PLEKHH2: variants seen among roughly 807,000 people sequenced by gnomAD.
The protein encoded by PLEKHH2 is pleckstrin homology domain-containing family H member 2.
In PLEKHH2, 129 loss-of-function variants were observed where a neutral mutation model predicts 187.9. The ratio of observed to expected loss-of-function variants is 0.69; its 90% CI spans 0.59 to 0.79. PLEKHH2 has a LOEUF of 0.79. Ranked by LOEUF, PLEKHH2 falls within the 30% of genes least tolerant of loss-of-function variation. The pLI is 0.00. For synonymous variants in PLEKHH2, 686 were observed against 605.6 expected (o/e 1.13, Z -1.95); for missense variants, 2,076 against 1,751.2 (o/e 1.19, Z -3.31).
chr2:43,765,607 G>C lies in PLEKHH2; in HGVS notation c.*9G>C. ...GCCCCACCTTACTCTGAAAGCTGGG[G>C]AGCCTGAACATTCACTCCTTGTCCT... On this transcript the variant is annotated 3_prime_UTR_variant, in exon 30 of 30. Coordinates refer to ENST00000282406, the MANE Select transcript of PLEKHH2 (RefSeq NM_172069.4). 6.2e-7 allele frequency: 1 copy of C among 1,611,490 alleles called. No individual in the cohort carries two copies. The highest frequency in any genetic ancestry group is 8.5e-7 in the Non-Finnish European group (1 of 1,179,038).
At chr2:43,758,801 C>A (rs7570252) in intron 26 of PLEKHH2, 99 bp from the exon 27 acceptor site, 298,377 of 1,045,776 alleles carry the variant, frequency 0.29, 44,733 homozygotes, top group South Asian at 0.43. Flanking sequence ...CACAGTTATG[C>A]TTAGGATTGG....
rs1390646017 is a variant in PLEKHH2 at position 43,644,698 on chromosome 2, G to A, written c.25G>A (p.Gly9Arg). ...TATGGCAGAGCTTTCTGAGCCAGAG[G>A]GACCAGTAGATTGGAAGGAACGATG... MAELSEPEGPVDWKERCVA... is the reference protein window; with the variant it reads MAELSEPERPVDWKERCVA... Residue 9 changes from glycine (G) to arginine (R), a missense_variant, in exon 2 of 30, where the codon GGA (glycine) becomes AGA (arginine). Transcript: ENST00000282406. 1.2e-6 allele frequency: 2 copies of A among 1,602,862 alleles called. No homozygotes were observed. The highest frequency in any genetic ancestry group is 1.7e-6 in the Non-Finnish European group (2 of 1,173,328).
At chr2:43,639,939 G>A (rs1479108456) in intron 1 of PLEKHH2, among the ~76,000 whole-genome samples, 1 of 152,092 alleles carries the variant, frequency 6.6e-6, no homozygotes, top group African/African-American at 2.4e-5. Flanking sequence ...TTACAGGAGT[G>A]AGCCACTGCA....
intron 24 of PLEKHH2, among the ~76,000 whole-genome samples, chr2:43,751,925 T>A (rs575894528): frequency 2.0e-5 from 3 of 148,170 alleles, no homozygotes; most frequent in Non-Finnish European, 4.4e-5. Flanking sequence ...TCTCTCTCTC[T>A]CTTTTTTTTT....
intron 2 of PLEKHH2, among the ~76,000 whole-genome samples, chr2:43,669,697 G>GA (rs1324575261): frequency 2.0e-5 from 3 of 151,060 alleles, no homozygotes; most frequent in African/African-American, 7.3e-5. Flanking sequence ...AAATGAAGGT[G>GA]AAAAGGAAGA....
At chr2:43,728,343 G>A (rs1227543758) in intron 17 of PLEKHH2, among the ~76,000 whole-genome samples, 1 of 151,582 alleles carries the variant, frequency 6.6e-6, no homozygotes, top group African/African-American at 2.4e-5. Flanking sequence ...GCTGGACGTG[G>A]TGACAGGTTC....
At chr2:43,738,609 G>A in intron 20 of PLEKHH2, 89 bp downstream of exon 20, 5 of 1,283,578 alleles carry the variant, frequency 3.9e-6, no homozygotes, top group East Asian at 4.8e-5. Flanking sequence ...ATAGACATTT[G>A]GAGAATACAA....
intron 4 of PLEKHH2, among the ~76,000 whole-genome samples, chr2:43,693,831 G>T (rs2104468423): frequency 6.6e-6 from 1 of 151,084 alleles, no homozygotes; most frequent in South Asian, 2.1e-4. Flanking sequence ...TTTGTTAAAT[G>T]TGTTGTTTAT....
chr2:43,739,480 G>A (rs954490340), intron 20 of PLEKHH2, among the ~76,000 whole-genome samples: 2 of 152,218 alleles, frequency 1.3e-5, no homozygotes, highest in Non-Finnish European at 2.9e-5. Context: ...ATATAGGACT[G>A]TCGGGGTTGG....
chr2:43,740,880 A>G (rs1250584031), intron 20 of PLEKHH2, 66 bp from the exon 21 acceptor site: 23 of 1,583,756 alleles, frequency 1.5e-5, no homozygotes, highest in African/African-American at 2.7e-5. Flanking sequence ...AGCCCATTGC[A>G]CTCACTCAGA....
intron 19 of PLEKHH2, among the ~76,000 whole-genome samples, 175 bp from the exon 20 acceptor site, chr2:43,738,163 TCTG>T (rs1291271909): frequency 1.3e-5 from 2 of 152,224 alleles, no homozygotes; most frequent in East Asian, 3.8e-4. Flanking sequence ...TGCTCTGAAA[TCTG>T]CTTTGTCTGC....
At chr2:43,709,661 C>A (rs1669846242) in intron 11 of PLEKHH2, among the ~76,000 whole-genome samples, 1 of 152,140 alleles carries the variant, frequency 6.6e-6, no homozygotes, top group South Asian at 2.1e-4. Context: ...CATGATGAAA[C>A]CCCATCTCTA....
intron 19 of PLEKHH2, among the ~76,000 whole-genome samples, chr2:43,737,879 T>C (rs950360247): frequency 4.0e-5 from 6 of 151,116 alleles, no homozygotes; most frequent in Admixed American, 6.6e-5. Context: ...GGAGGACCAC[T>C]TTGGAGATTG....
Position 43,675,440 on chromosome 2 carries a change from C to T in PLEKHH2, c.124-3423C>T, listed in dbSNP as rs968810167. On this transcript the variant is annotated intron_variant, in intron 2 of 29. Transcript: ENST00000282406. ...GTGTCATTGAAATAGTGTCCAAATG[C>T]CCTGAGCCGGTACAGGCCATACATC... is the stretch of plus-strand genomic sequence containing the variant. 9 of 1,611,550 alleles carry T rather than the reference C, an allele frequency of 5.6e-6. No individual in the cohort carries two copies. The African/African-American group carries it at 9.4e-5, about 17-fold the overall frequency.
chr2:43,720,440 G>A (rs963173702), intron 15 of PLEKHH2, among the ~76,000 whole-genome samples: 30 of 152,014 alleles, frequency 2.0e-4, no homozygotes, highest in African/African-American at 6.5e-4. Context: ...CAGCCACCCC[G>A]GTGCCCTCTA....
rs149698580 is a variant in PLEKHH2, at chr2:43,703,690, T to C, written c.1651-291T>C. ...GGTGTTTATGTGTAGTCAGTGATTG[T>C]GAAAAAGCTTTCTCTTACTTTTTCT... On this transcript the variant is annotated intron_variant, in intron 8 of 29. Coordinates refer to ENST00000282406, the MANE Select transcript of PLEKHH2 (RefSeq NM_172069.4). 4.3e-3 allele frequency among the ~76,000 whole-genome samples: 658 copies of C among 151,564 alleles called. 5 individuals are homozygous for C. Among genetic ancestry groups the C allele is most frequent in the African/African-American group, 0.015 (608 of 40,820 alleles).
rs201656178 is a variant in PLEKHH2, at chr2:43,742,847, C to T, written c.3328C>T (p.Leu1110Phe). Residue 1110 changes from leucine (L) to phenylalanine (F), a missense_variant, in exon 22 of 30, where the codon CTT (leucine) becomes TTT (phenylalanine). Transcript: ENST00000282406. ...RPSRMEILST[L>F]LRNPYHHSLP... is the part of the protein sequence containing the mutation. ...CTCAAGGATGGAAATTCTTTCAACT[C>T]TTCTCCGAAACCCTTATCACCATTC... is the stretch of plus-strand genomic sequence containing the variant. 6.2e-7 allele frequency: 1 copy of T among 1,609,942 alleles called. No homozygotes were observed. The highest frequency in any genetic ancestry group is 1.3e-5 in the African/African-American group (1 of 74,854).
intron 2 of PLEKHH2, among the ~76,000 whole-genome samples, chr2:43,668,043 T>A (rs1667302164): frequency 6.6e-6 from 1 of 152,180 alleles, no homozygotes; most frequent in African/African-American, 2.4e-5. Context: ...TTGTTGTTGT[T>A]GTTTTTTGAG....
chr2:43,694,600 A>G lies in PLEKHH2; in HGVS notation c.420+86A>G, dbSNP rs73923832. 11,825 of 1,364,088 alleles carry G rather than the reference A, an allele frequency of 8.7e-3. 894 individuals are homozygous for G. In the African/African-American group the frequency reaches 0.16, roughly 19 times the overall value. 84.5% of individuals were successfully genotyped at this position (1,364,088 alleles called of 1,614,324 possible). A position where few individuals can be genotyped will look rare whatever the true frequency, so the allele number is the denominator to read the frequency against. On this transcript the variant is annotated intron_variant, in intron 5 of 29. Coordinates refer to ENST00000282406, the MANE Select transcript of PLEKHH2 (RefSeq NM_172069.4). ...ATCAGAATATGTGATTACTCTGAGT[A>G]AAACAAAGAATTTTGATCGGTTGGT...
Sources: gnomAD v4.1 joint callset for allele counts (sites outside exome capture counted in the v4.1 genomes callset) on GRCh38, gnomAD v4.1.1 for gene constraint, MANE v1.5 for transcripts, NCBI Gene and HGNC (gene_info 2026-07-23, HGNC 2026-07-21) for gene names.